PHF21B: variants seen among roughly 807,000 people sequenced by gnomAD.
PHF21B encodes the protein PHD finger protein 21B, also known as PHD finger protein 4.
In PHF21B, 22 loss-of-function variants were observed where a neutral mutation model predicts 62.2. The observed-to-expected ratio is 0.35, with a 90% CI of 0.25 to 0.51. PHF21B has a LOEUF of 0.51. PHF21B is among the 20% of genes least tolerant of loss of function. PHF21B has a pLI of 0.97. For missense variants in PHF21B, 701 were observed against 707.9 expected, an observed-to-expected ratio of 0.99 and a Z score of 0.11; for synonymous variants, 341 against 314.7, an observed-to-expected ratio of 1.08 and a Z score of -0.88.
intron 5 of PHF21B, among the ~76,000 whole-genome samples, chr22:44,913,458 C>T (rs776589201): frequency 2.5e-4 from 38 of 152,214 alleles, no homozygotes; most frequent in Admixed American, 3.3e-4. Flanking sequence ...TCGCAGAATC[C>T]TCCCAGCAGC....
intron 2 of PHF21B, among the ~76,000 whole-genome samples, chr22:44,986,289 G>A (rs1169481873): frequency 2.7e-5 from 4 of 145,586 alleles, no homozygotes; most frequent in South Asian, 2.3e-4. Context: ...GAGCACCACC[G>A]CCACTACCAT....
At chr22:44,980,724 T>C (rs1601673803) in intron 2 of PHF21B, among the ~76,000 whole-genome samples, 2 of 152,088 alleles carry the variant, frequency 1.3e-5, no homozygotes, top group African/African-American at 4.8e-5. Context: ...CACCTGTGTC[T>C]CTTCCAAGGG....
intron 2 of PHF21B, among the ~76,000 whole-genome samples, chr22:44,940,323 A>G (rs939091957): frequency 6.6e-6 from 1 of 152,170 alleles, no homozygotes; most frequent in Non-Finnish European, 1.5e-5. Context: ...CCCAGCGCCA[A>G]TGCCACGTCC....
intron 2 of PHF21B, among the ~76,000 whole-genome samples, chr22:44,943,103 G>A (rs1357507083): frequency 6.6e-6 from 1 of 151,452 alleles, no homozygotes; most frequent in Non-Finnish European, 1.5e-5. Flanking sequence ...CCCCAAGCCA[G>A]CCCCTCCTGC....
At chr22:44,999,341 G>A (rs1346820244) in intron 2 of PHF21B, among the ~76,000 whole-genome samples, 1 of 152,150 alleles carries the variant, frequency 6.6e-6, no homozygotes, top group Non-Finnish European at 1.5e-5. Flanking sequence ...CAGAGAGAGG[G>A]AGGAGGAGGA....
intron 2 of PHF21B, among the ~76,000 whole-genome samples, chr22:44,991,231 T>C (rs1001682132): frequency 6.6e-6 from 1 of 152,156 alleles, no homozygotes; most frequent in Non-Finnish European, 1.5e-5. Context: ...GCAAAAAAGC[T>C]TGATGTGCAC....
intron 2 of PHF21B, among the ~76,000 whole-genome samples, chr22:44,994,016 G>A (rs969629893): frequency 6.6e-6 from 1 of 152,202 alleles, no homozygotes; most frequent in Non-Finnish European, 1.5e-5. Flanking sequence ...GATGGAGCAC[G>A]GGTTCATAGT....
intron 9 of PHF21B, among the ~76,000 whole-genome samples, chr22:44,888,625 T>C (rs1181331009): frequency 6.6e-6 from 1 of 152,196 alleles, no homozygotes; most frequent in Non-Finnish European, 1.5e-5. Context: ...TACTCGGCTC[T>C]CTGTTCACCA....
rs184165712 is a variant in PHF21B at position 44,896,739 on chromosome 22, T to C, written c.832-656A>G. ...ATCTCATTCTTTTCACCCTCATTTC[T>C]AGTGATCCTAGTTTTGTAATGACCA... On this transcript the variant is annotated intron_variant, in intron 5 of 12. Coordinates refer to ENST00000313237, the MANE Select transcript of PHF21B (RefSeq NM_138415.5). Among the ~76,000 whole-genome samples, 910 of 152,334 alleles carry C rather than the reference T, an allele frequency of 6.0e-3. 13 individuals carry two copies. The highest frequency in any genetic ancestry group is 0.021 in the African/African-American group (884 of 41,580).
At chr22:44,914,643 G>A (rs1399026478) in intron 4 of PHF21B, among the ~76,000 whole-genome samples, 1 of 152,212 alleles carries the variant, frequency 6.6e-6, no homozygotes, top group Non-Finnish European at 1.5e-5. Flanking sequence ...ACCCTGGCTT[G>A]GGGGCACAGG....
At chr22:44,961,955 T>A (rs1018452870) in intron 2 of PHF21B, among the ~76,000 whole-genome samples, 1 of 152,208 alleles carries the variant, frequency 6.6e-6, no homozygotes, top group African/African-American at 2.4e-5. Context: ...ATTTTTTTTA[T>A]GGCTGTGTAG....
At chr22:44,925,281 G>A (rs2071607405) in intron 2 of PHF21B, among the ~76,000 whole-genome samples, 1 of 152,196 alleles carries the variant, frequency 6.6e-6, no homozygotes, top group African/African-American at 2.4e-5. Context: ...GCAGCTCATT[G>A]TGTATCACTT....
At chr22:44,993,270 C>T (rs551188367) in intron 2 of PHF21B, among the ~76,000 whole-genome samples, 1 of 152,238 alleles carries the variant, frequency 6.6e-6, no homozygotes, top group African/African-American at 2.4e-5. Context: ...CTGGTTCACA[C>T]TCCAGCTTCA....
chr22:44,891,302 T>C lies in PHF21B; in HGVS notation c.1015+4A>G. 6.2e-7 allele frequency: 1 copy of C among 1,613,810 alleles called. No homozygotes were observed. The highest frequency in any genetic ancestry group is 1.1e-5 in the South Asian group (1 of 90,862). ...CTGGCAGAAGGCCTGAAGCCGGTGC[T>C]TACCTCTCGCTGTGAGGAACAGGGG... On this transcript the variant is annotated splice_donor_region_variant and intron_variant, in intron 8 of 12. Transcript: ENST00000313237.
intron 2 of PHF21B, among the ~76,000 whole-genome samples, chr22:44,970,058 C>G (rs544622372): frequency 6.6e-6 from 1 of 152,374 alleles, no homozygotes; most frequent in South Asian, 2.1e-4. Flanking sequence ...CACAGCTCCA[C>G]GCTAGCACTG....
At chr22:44,894,815 A>G in intron 6 of PHF21B, among the ~76,000 whole-genome samples, 1 of 152,084 alleles carries the variant, frequency 6.6e-6, no homozygotes, top group East Asian at 1.9e-4. Flanking sequence ...GTCTTCTCGG[A>G]GCCTGCATGG....
intron 2 of PHF21B, among the ~76,000 whole-genome samples, chr22:44,977,067 C>T (rs2072750463): frequency 1.3e-5 from 2 of 152,114 alleles, no homozygotes; most frequent in South Asian, 4.1e-4. Flanking sequence ...CTGCAGTGAG[C>T]TGTGATCATG....
In PHF21B at chr22:44,882,229, G is replaced by A. The variant is rs762980; in HGVS notation, c.*857C>T. ...GTTAAGTTGAATGATTCAACCCCAA[G>A]GAGAAAACCTGCCAAATGCTGCCCC... On this transcript the variant is annotated 3_prime_UTR_variant, in exon 13 of 13. Coordinates refer to ENST00000313237, the MANE Select transcript of PHF21B (RefSeq NM_138415.5). 94,685 of 152,502 alleles carry A rather than the reference G, an allele frequency of 0.62. 29,555 individuals carry two copies. The highest frequency in any genetic ancestry group is 0.69 in the African/African-American group (28,689 of 41,446). The allele number at this position is 152,502 out of a possible 1,614,324, so 9.4% of individuals were successfully genotyped here.
At chr22:44,918,842 C>G (rs2071485177) in intron 3 of PHF21B, among the ~76,000 whole-genome samples, 1 of 152,198 alleles carries the variant, frequency 6.6e-6, no homozygotes, top group South Asian at 2.1e-4. Context: ...TGATTGGCAG[C>G]CTCTCCCTGG....
Sources: allele counts gnomAD v4.1 joint callset (sites outside exome capture counted in the v4.1 genomes callset), GRCh38; gene constraint gnomAD v4.1.1; transcripts MANE v1.5; gene names NCBI Gene and HGNC (gene_info 2026-07-23, HGNC 2026-07-21).